Variants in FAM81B observed in about 807,000 individuals in gnomAD.
FAM81B encodes family with sequence similarity 81 member B.
FAM81B carries 60 observed loss-of-function variants against 58.7 expected under a neutral mutation model. The ratio of observed to expected loss-of-function variants is 1.02; its 90% CI spans 0.83 to 1.27. The LOEUF (loss-of-function observed/expected upper bound fraction) is 1.27, where lower values mean the gene tolerates loss of function less well. Ranked by LOEUF, FAM81B falls within the 50% of genes most tolerant of loss-of-function variation. The pLI is 0.00. For missense variants in FAM81B, 491 were observed against 522.0 expected, an observed-to-expected ratio of 0.94 and a Z score of 0.58; for synonymous variants, 189 against 179.6, an observed-to-expected ratio of 1.05 and a Z score of -0.42.
chr5:95,446,421 C>T, intron 7 of FAM81B, 141 bp from the exon 8 acceptor site: 4 of 804,394 alleles, frequency 5.0e-6, no homozygotes, highest in Non-Finnish European at 7.6e-6. Flanking sequence ...TACCTTGCCT[C>T]TGGCACCTCC....
At chr5:95,415,861 C>T (rs1037309108) in intron 4 of FAM81B, among the ~76,000 whole-genome samples, 9 of 152,098 alleles carry the variant, frequency 5.9e-5, no homozygotes, top group Admixed American at 2.6e-4. Context: ...ACATATTATA[C>T]CCCAGTAAAA....
chr5:95,437,930 C>G (rs1745169088), intron 7 of FAM81B, among the ~76,000 whole-genome samples: 1 of 152,108 alleles, frequency 6.6e-6, no homozygotes, highest in East Asian at 1.9e-4. Context: ...AATCCAGTAT[C>G]CTGATAATAC....
intron 5 of FAM81B, among the ~76,000 whole-genome samples, chr5:95,425,832 A>G (rs1762808762): frequency 6.6e-6 from 1 of 151,674 alleles, no homozygotes; most frequent in South Asian, 2.1e-4. Flanking sequence ...CATATGGTCA[A>G]CAGATAATAT....
At chr5:95,444,851 C>G (rs1316810354) in intron 7 of FAM81B, among the ~76,000 whole-genome samples, 5 of 152,124 alleles carry the variant, frequency 3.3e-5, no homozygotes, top group Admixed American at 3.3e-4. Context: ...AGTGTCGGCA[C>G]TATTGGTATT....
intron 3 of FAM81B, among the ~76,000 whole-genome samples, chr5:95,399,445 T>C (rs1762049259): frequency 6.6e-6 from 1 of 152,178 alleles, no homozygotes; most frequent in Admixed American, 6.5e-5. Flanking sequence ...TCAGCCACAG[T>C]GCAGTCTTTT....
chr5:95,434,914 C>A (rs1745042798), intron 6 of FAM81B, among the ~76,000 whole-genome samples: 1 of 152,068 alleles, frequency 6.6e-6, no homozygotes, highest in Admixed American at 6.5e-5. Context: ...GAAGCAAATG[C>A]CATAAAGGAA....
rs1269068695 is a variant in FAM81B, at chr5:95,440,598, C to G, written c.893+3692C>G. ...ACTGCATATAGAAGAGCTCAGAGAG[C>G]TACAGACAAAAATTAATGAAGCCAT... On this transcript the variant is annotated intron_variant, in intron 7 of 9. Coordinates refer to ENST00000283357, the MANE Select transcript of FAM81B (RefSeq NM_152548.3). The G allele has an allele frequency of 9.0e-6, 6 of 667,076 alleles. No individual in the cohort carries two copies. In the East Asian group the frequency reaches 2.4e-4, roughly 26 times the overall value. 41.3% of individuals were successfully genotyped at this position (667,076 alleles called of 1,614,324 possible).
chr5:95,391,488 T>G lies in FAM81B; in HGVS notation c.99T>G (p.Ala33=), dbSNP rs534418226. ...ATATCAAATCTACAAAAAATAAAGCTGGAAAAGCAAGCATCATGAGTTCAG... is the reference window on the plus strand; with the variant it reads ...ATATCAAATCTACAAAAAATAAAGCGGGAAAAGCAAGCATCATGAGTTCAG... ...FKNIKSTKNK[A]GKASIMSSDT... is the part of the protein sequence containing the mutation. Residue 33 remains alanine (A), a synonymous_variant, in exon 1 of 10, where the codon GCT becomes GCG. Coordinates refer to ENST00000283357, the MANE Select transcript of FAM81B (RefSeq NM_152548.3). The G allele has an allele frequency of 1.2e-6, 2 of 1,613,552 alleles. No homozygotes were observed. Among genetic ancestry groups the G allele is most frequent in the African/African-American group, 1.3e-5 (1 of 74,968 alleles).
chr5:95,394,435 A>G (rs1761909668), intron 2 of FAM81B, among the ~76,000 whole-genome samples: 1 of 152,112 alleles, frequency 6.6e-6, no homozygotes, highest in Non-Finnish European at 1.5e-5. Context: ...ATAGATCCCC[A>G]CACAGACCAG....
chr5:95,401,553 G>A (rs766426414), intron 3 of FAM81B, among the ~76,000 whole-genome samples: 2 of 151,492 alleles, frequency 1.3e-5, no homozygotes, highest in African/African-American at 2.4e-5. Flanking sequence ...TTATTTTTGT[G>A]AGGCATCAAA....
Position 95,446,641 on chromosome 5 carries a change from A to C in FAM81B, c.973A>C (p.Arg325=). 1 of 1,613,514 alleles carries C rather than the reference A, an allele frequency of 6.2e-7. No individual in the cohort carries two copies. Among genetic ancestry groups the C allele is most frequent in the South Asian group, 1.1e-5 (1 of 90,916 alleles). Residue 325 remains arginine, a synonymous_variant, in exon 8 of 10, where the codon AGA becomes CGA. Transcript: ENST00000283357. ...KWTENQFLKY[R]KDHLGHINEC... ...GACAGAAAACCAATTTCTCAAATAT[A>C]GAAAAGACCACCTGGGCCATATAAA...
At chr5:95,438,160 C>T (rs1258531925) in intron 7 of FAM81B, among the ~76,000 whole-genome samples, 1 of 152,186 alleles carries the variant, frequency 6.6e-6, no homozygotes, top group Non-Finnish European at 1.5e-5. Flanking sequence ...CTTACTAAAA[C>T]TTGGAGAAGT....
intron 1 of FAM81B, among the ~76,000 whole-genome samples, chr5:95,391,799 T>A (rs1174963368): frequency 6.6e-6 from 1 of 152,116 alleles, no homozygotes; most frequent in Non-Finnish European, 1.5e-5. Flanking sequence ...AAAACTACAA[T>A]GAGATACCAT....
chr5:95,438,250 G>A (rs1243847483), intron 7 of FAM81B, among the ~76,000 whole-genome samples: 2 of 152,144 alleles, frequency 1.3e-5, no homozygotes, highest in African/African-American at 4.8e-5. Flanking sequence ...CTAGCACAAT[G>A]AGGGTGTTCA....
intron 5 of FAM81B, among the ~76,000 whole-genome samples, chr5:95,427,247 T>G (rs752958214): frequency 5.9e-5 from 9 of 152,116 alleles, no homozygotes; most frequent in Non-Finnish European, 8.8e-5. Context: ...CTGAGCAGTC[T>G]TTGGGGGTCT....
intron 5 of FAM81B, among the ~76,000 whole-genome samples, chr5:95,427,748 G>A (rs188428457): frequency 2.7e-4 from 41 of 152,226 alleles, no homozygotes; most frequent in Admixed American, 5.2e-4. Context: ...ATATACAAAA[G>A]ATAAAGTCCT....
chr5:95,404,068 A>T (rs2152761541), intron 3 of FAM81B, among the ~76,000 whole-genome samples: 1 of 152,320 alleles, frequency 6.6e-6, no homozygotes, highest in African/African-American at 2.4e-5. Context: ...TACAAGACTG[A>T]AAACCGGGAG....
chr5:95,417,196 T>A (rs1280275448), intron 4 of FAM81B, among the ~76,000 whole-genome samples: 1 of 152,210 alleles, frequency 6.6e-6, no homozygotes, highest in African/African-American at 2.4e-5. Flanking sequence ...TCCGGAAAGT[T>A]TATACTAATT....
At chr5:95,446,827 A>G (rs1292507694) in intron 8 of FAM81B, 130 bp downstream of exon 8, 8 of 1,115,008 alleles carry the variant, frequency 7.2e-6, no homozygotes, top group Non-Finnish European at 1.0e-5. Context: ...TTTTTTTTAA[A>G]CACCACAATA....
Sources: allele counts gnomAD v4.1 joint callset (sites outside exome capture counted in the v4.1 genomes callset), GRCh38; gene constraint gnomAD v4.1.1; transcripts MANE v1.5; gene names NCBI Gene and HGNC (gene_info 2026-07-23, HGNC 2026-07-21).